Variants in NKAIN2 observed in about 807,000 individuals in gnomAD.
NKAIN2 encodes sodium/potassium transporting ATPase interacting 2, also known as sodium/potassium-transporting ATPase subunit beta-1-interacting protein 2.
Under a neutral mutation model 32.6 loss-of-function variants are expected in NKAIN2, and 14 were observed. The observed-to-expected ratio is 0.43, with a 90% CI of 0.28 to 0.67. The LOEUF (loss-of-function observed/expected upper bound fraction) is 0.67. Among genes scored for constraint, NKAIN2 ranks in the 30% least tolerant of loss-of-function variants. NKAIN2 has a pLI of 0.17. For synonymous variants in NKAIN2, 80 were observed against 87.2 expected (o/e 0.92, Z 0.46); for missense variants, 198 against 258.3 (o/e 0.77, Z 1.60).
At chr6:124,747,174 G>A (rs552900971) in intron 4 of NKAIN2, among the ~76,000 whole-genome samples, 1 of 151,994 alleles carries the variant, frequency 6.6e-6, no homozygotes, top group South Asian at 2.1e-4. Flanking sequence ...CACCCAAGCT[G>A]AGTGATGCTG....
chr6:124,773,047 C>G (rs1031891857), intron 4 of NKAIN2, among the ~76,000 whole-genome samples: 1 of 152,108 alleles, frequency 6.6e-6, no homozygotes, highest in African/African-American at 2.4e-5. Flanking sequence ...GTTACTAAGG[C>G]TGAGGGATGT....
intron 1 of NKAIN2, among the ~76,000 whole-genome samples, chr6:123,998,559 T>A (rs976217805): frequency 6.6e-6 from 1 of 152,052 alleles, no homozygotes; most frequent in Non-Finnish European, 1.5e-5. Context: ...AATCAAGACA[T>A]CTTTCGTAAG....
chr6:124,759,638 CACACACACACACACA>C (rs1778152354), intron 4 of NKAIN2, among the ~76,000 whole-genome samples: 3 of 133,870 alleles, frequency 2.2e-5, no homozygotes, highest in Admixed American at 1.5e-4. Flanking sequence ...CACACACACA[CACACACACACACACA>C]CACCCCCTAT....
At chr6:124,038,111 A>T (rs941575287) in intron 1 of NKAIN2, among the ~76,000 whole-genome samples, 6 of 152,186 alleles carry the variant, frequency 3.9e-5, no homozygotes, top group African/African-American at 1.4e-4. Context: ...GAGGATAGTA[A>T]AAATGAGAGA....
chr6:123,838,948 A>T (rs1020077371), intron 1 of NKAIN2, among the ~76,000 whole-genome samples: 3 of 152,064 alleles, frequency 2.0e-5, no homozygotes, highest in Non-Finnish European at 4.4e-5. Context: ...ATGGATAATG[A>T]CTCTCTCTCA....
At chr6:123,870,865 TG>T (rs1772833999) in intron 1 of NKAIN2, among the ~76,000 whole-genome samples, 2 of 152,208 alleles carry the variant, frequency 1.3e-5, no homozygotes, top group Admixed American at 1.3e-4. Flanking sequence ...TTTAATGTTT[TG>T]CTTTACTAAA....
At chr6:124,154,705 C>T (rs980074492) in intron 1 of NKAIN2, among the ~76,000 whole-genome samples, 7 of 151,958 alleles carry the variant, frequency 4.6e-5, no homozygotes, top group South Asian at 4.1e-4. Flanking sequence ...CTTGAGTATA[C>T]GGAGCACCAC....
intron 1 of NKAIN2, among the ~76,000 whole-genome samples, chr6:124,224,194 C>A (rs1370969138): frequency 6.6e-6 from 1 of 152,066 alleles, no homozygotes; most frequent in African/African-American, 2.4e-5. Context: ...TATTTTCATG[C>A]ATTCACATAT....
intron 1 of NKAIN2, among the ~76,000 whole-genome samples, chr6:123,850,770 A>G (rs1370400182): frequency 6.6e-6 from 1 of 152,182 alleles, no homozygotes; most frequent in African/African-American, 2.4e-5. Flanking sequence ...AGCAATTTTC[A>G]GGAATACAGA....
At chr6:124,435,111 G>A (rs929237427) in intron 3 of NKAIN2, among the ~76,000 whole-genome samples, 3 of 152,118 alleles carry the variant, frequency 2.0e-5, no homozygotes, top group East Asian at 1.9e-4. Flanking sequence ...ATTGATTTTA[G>A]TTTGAAGTCA....
At chr6:124,308,759 GGT>G (rs1796610135) in intron 2 of NKAIN2, among the ~76,000 whole-genome samples, 2 of 152,002 alleles carry the variant, frequency 1.3e-5, no homozygotes, top group African/African-American at 4.8e-5. Flanking sequence ...CCCATTTTAT[GGT>G]ACTGGTTGGC....
chr6:124,633,542 C>G (rs191756042), intron 3 of NKAIN2, among the ~76,000 whole-genome samples: 3 of 152,240 alleles, frequency 2.0e-5, no homozygotes, highest in East Asian at 3.9e-4. Flanking sequence ...ACACTTGGTT[C>G]ATCTCTATCT....
intron 1 of NKAIN2, among the ~76,000 whole-genome samples, chr6:123,866,469 C>G (rs1200240528): frequency 6.6e-6 from 1 of 152,058 alleles, no homozygotes; most frequent in Non-Finnish European, 1.5e-5. Context: ...CTCGCTCTGT[C>G]GTCCAGGCTG....
chr6:124,202,719 G>C (rs1359623352), intron 1 of NKAIN2, among the ~76,000 whole-genome samples: 1 of 151,834 alleles, frequency 6.6e-6, no homozygotes, highest in Non-Finnish European at 1.5e-5. Flanking sequence ...GGGACAGCTG[G>C]ACACGTTACC....
intron 3 of NKAIN2, among the ~76,000 whole-genome samples, chr6:124,618,944 T>A (rs181005165): frequency 6.4e-4 from 97 of 152,300 alleles, no homozygotes; most frequent in African/African-American, 2.3e-3. Flanking sequence ...GCCAGGTGTT[T>A]CTGTGTAAAT....
chr6:124,656,435 T>C (rs990942416), intron 3 of NKAIN2, among the ~76,000 whole-genome samples: 2 of 152,136 alleles, frequency 1.3e-5, no homozygotes, highest in African/African-American at 4.8e-5. Flanking sequence ...ACAACTATTA[T>C]CTGAGATCTC....
intron 5 of NKAIN2, among the ~76,000 whole-genome samples, chr6:124,800,944 TG>T (rs1337243496): frequency 6.6e-6 from 1 of 152,218 alleles, no homozygotes; most frequent in Non-Finnish European, 1.5e-5. Context: ...TATGGATTGC[TG>T]CCTTTGTAAC....
intron 1 of NKAIN2, among the ~76,000 whole-genome samples, chr6:123,988,874 AGTGTGT>A (rs72226512): frequency 0.013 from 1,720 of 134,390 alleles, 41 homozygotes; most frequent in African/African-American, 0.043. Context: ...GAACCTTAAG[AGTGTGT>A]GTGTGTGTGT....
In NKAIN2 at chr6:123,846,736, G is replaced by T. The variant is rs563122193; in HGVS notation, c.54+42482G>T. On this transcript the variant is annotated intron_variant, in intron 1 of 6. Transcript: ENST00000368417. Reference sequence around the variant, plus strand: ...GTCATTTCAATATTCTTCAAACCCAGGCTTCCTGATGAGGGCGCTAATGAA... The same window carrying T: ...GTCATTTCAATATTCTTCAAACCCATGCTTCCTGATGAGGGCGCTAATGAA... Among the ~76,000 whole-genome samples the T allele has an allele frequency of 8.4e-4, 128 of 152,184 alleles. 1 individual carries two copies. The highest frequency in any genetic ancestry group is 3.0e-3 in the Admixed American group (46 of 15,284).
Sources: gnomAD v4.1 joint callset for allele counts (sites outside exome capture counted in the v4.1 genomes callset) on GRCh38, gnomAD v4.1.1 for gene constraint, MANE v1.5 for transcripts, NCBI Gene and HGNC (gene_info 2026-07-23, HGNC 2026-07-21) for gene names.